MAP2: variants seen among roughly 807,000 people sequenced by gnomAD.
The protein encoded by MAP2 is microtubule associated protein 2, also known as microtubule-associated protein 2.
Under a neutral mutation model 137.6 loss-of-function variants are expected in MAP2, and 14 were observed. That is an observed-to-expected ratio of 0.10 (90% CI 0.07 to 0.16). The LOEUF (loss-of-function observed/expected upper bound fraction) is 0.16. MAP2 is among the 10% of genes least tolerant of loss of function. The pLI is 1.00. For missense variants in MAP2, 2,088 were observed against 2,191.5 expected (o/e 0.95, Z 0.94); for synonymous variants, 786 against 782.3 (o/e 1.00, Z -0.08).
intron 2 of MAP2, among the ~76,000 whole-genome samples, chr2:209,516,482 C>T (rs531728462): frequency 4.0e-5 from 6 of 151,652 alleles, no homozygotes; most frequent in South Asian, 2.1e-4. Flanking sequence ...TTTAAGTCAG[C>T]CATAAGGAGT....
intron 1 of MAP2, among the ~76,000 whole-genome samples, chr2:209,471,895 G>T (rs1425603069): frequency 6.6e-6 from 1 of 152,044 alleles, no homozygotes; most frequent in African/African-American, 2.4e-5. Flanking sequence ...ACATGAAAAT[G>T]AGATATTGTA....
chr2:209,685,582 T>C (rs1456117343), intron 7 of MAP2, among the ~76,000 whole-genome samples: 2 of 152,010 alleles, frequency 1.3e-5, no homozygotes, highest in East Asian at 1.9e-4. Context: ...CAAGAGAAGA[T>C]TGGACTTTGC....
intron 12 of MAP2, among the ~76,000 whole-genome samples, chr2:209,706,042 A>G (rs1559624955): frequency 6.6e-6 from 1 of 152,200 alleles, no homozygotes; most frequent in Non-Finnish European, 1.5e-5. Context: ...TAATCAATGT[A>G]GAAACCAAGT....
At chr2:209,725,402 T>C (rs1265732318) in intron 13 of MAP2, among the ~76,000 whole-genome samples, 1 of 152,214 alleles carries the variant, frequency 6.6e-6, no homozygotes, top group Non-Finnish European at 1.5e-5. Flanking sequence ...ACAGTGTTGC[T>C]TAGTTCTCTG....
At chr2:209,625,249 CTT>C (rs1192285473) in intron 4 of MAP2, 120 bp downstream of exon 4, 3 of 152,040 alleles carry the variant, frequency 2.0e-5, no homozygotes, top group African/African-American at 7.2e-5. Flanking sequence ...GGAGAAATAA[CTT>C]ATAAATAGTT....
chr2:209,614,546 G>A (rs2088373159), intron 3 of MAP2, among the ~76,000 whole-genome samples: 1 of 152,058 alleles, frequency 6.6e-6, no homozygotes, highest in African/African-American at 2.4e-5. Flanking sequence ...GAACACTTGG[G>A]AGTGATAACA....
intron 1 of MAP2, among the ~76,000 whole-genome samples, chr2:209,474,441 C>T (rs1178368208): frequency 6.6e-6 from 1 of 151,974 alleles, no homozygotes; most frequent in Non-Finnish European, 1.5e-5. Context: ...GCTTATTCCA[C>T]CAGCCCAGGA....
At chr2:209,531,672 T>C (rs1230802829) in intron 2 of MAP2, among the ~76,000 whole-genome samples, 1 of 152,204 alleles carries the variant, frequency 6.6e-6, no homozygotes, top group Non-Finnish European at 1.5e-5. Context: ...AATTGAATTT[T>C]GAAATTCAAA....
chr2:209,627,122 T>A (rs2092439727), intron 4 of MAP2, among the ~76,000 whole-genome samples: 1 of 152,166 alleles, frequency 6.6e-6, no homozygotes, highest in Non-Finnish European at 1.5e-5. Flanking sequence ...AAACACTTAC[T>A]ATTCCCAAAT....
At chr2:209,483,451 G>A (rs1242725159) in intron 1 of MAP2, among the ~76,000 whole-genome samples, 1 of 152,190 alleles carries the variant, frequency 6.6e-6, no homozygotes, top group Admixed American at 6.5e-5. Flanking sequence ...GCCTGTGCCT[G>A]TAGACCCAGC....
At chr2:209,704,522 A>C (rs749054580) in intron 11 of MAP2, 1 of 1,612,938 alleles carries the variant, frequency 6.2e-7, no homozygotes, top group Non-Finnish European at 8.5e-7. Flanking sequence ...AGCCTGCCCT[A>C]GCACGACTAA....
rs987817573 is a variant in MAP2, at chr2:209,568,580, A to G, written c.-171-11456A>G. On this transcript the variant is annotated intron_variant, in intron 2 of 15. Coordinates refer to ENST00000682079, the MANE Select transcript of MAP2 (RefSeq NM_001375505.1). Reference sequence around the variant, plus strand: ...CAAGAGAGGTTTAAAATATTGAGATATATTAATCTTCAGTGCTTAGAAAGC... The same window carrying G: ...CAAGAGAGGTTTAAAATATTGAGATGTATTAATCTTCAGTGCTTAGAAAGC... Among the ~76,000 whole-genome samples, 31 of 151,958 alleles carry G rather than the reference A, an allele frequency of 2.0e-4. 1 individual carries two copies. The highest frequency in any genetic ancestry group is 8.8e-5 in the Non-Finnish European group (6 of 67,830).
chr2:209,470,769 T>G (rs2149707858), intron 1 of MAP2, among the ~76,000 whole-genome samples: 1 of 152,262 alleles, frequency 6.6e-6, no homozygotes. Flanking sequence ...TCTGCACTAA[T>G]ATACCTGGAT....
At chr2:209,623,061 A>AT (rs1275650034) in intron 3 of MAP2, among the ~76,000 whole-genome samples, 2 of 151,980 alleles carry the variant, frequency 1.3e-5, no homozygotes, top group Non-Finnish European at 2.9e-5. Context: ...AAAAGACAGG[A>AT]TTTTTTTTAG....
chr2:209,467,644 T>C (rs1344580032), intron 1 of MAP2, among the ~76,000 whole-genome samples: 1 of 152,222 alleles, frequency 6.6e-6, no homozygotes, highest in Non-Finnish European at 1.5e-5. Flanking sequence ...TAAAGTATTT[T>C]ATTTCTCTGC....
chr2:209,610,952 G>T (rs2086636530), intron 3 of MAP2, among the ~76,000 whole-genome samples: 1 of 152,116 alleles, frequency 6.6e-6, no homozygotes, highest in South Asian at 2.1e-4. Context: ...GGTCATGCCT[G>T]CATGGGCATG....
chr2:209,591,318 G>T (rs1194183945), intron 3 of MAP2, among the ~76,000 whole-genome samples: 3 of 152,178 alleles, frequency 2.0e-5, no homozygotes, highest in African/African-American at 7.2e-5. Context: ...GATTAGAGGT[G>T]GCCAGGGATG....
intron 2 of MAP2, among the ~76,000 whole-genome samples, chr2:209,546,864 G>A (rs935658230): frequency 6.6e-6 from 1 of 152,020 alleles, no homozygotes; most frequent in Admixed American, 6.6e-5. Flanking sequence ...TTGTCTTTGA[G>A]TAAAACAAGA....
intron 7 of MAP2, among the ~76,000 whole-genome samples, chr2:209,686,281 A>G (rs192744140): frequency 3.3e-5 from 5 of 152,362 alleles, no homozygotes; most frequent in Admixed American, 6.5e-5. Context: ...AACATCTTCC[A>G]TGGAACAATC....
Sources: allele counts gnomAD v4.1 joint callset (sites outside exome capture counted in the v4.1 genomes callset), GRCh38; gene constraint gnomAD v4.1.1; transcripts MANE v1.5; gene names NCBI Gene and HGNC (gene_info 2026-07-23, HGNC 2026-07-21).